ARHGAP10: variants seen among roughly 807,000 people sequenced by gnomAD.
The protein encoded by ARHGAP10 is Rho GTPase activating protein 10.
A neutral mutation model predicts 108.6 loss-of-function variants in ARHGAP10; 87 were observed. That is an observed-to-expected ratio of 0.80 (90% CI 0.67 to 0.96). The LOEUF (loss-of-function observed/expected upper bound fraction) is 0.96. Ranked by LOEUF, ARHGAP10 falls within the 40% of genes least tolerant of loss-of-function variation. The probability of loss-of-function intolerance (pLI) is 0.00; values close to 1 mark genes in which losing one functional copy is unlikely to be tolerated. For synonymous variants in ARHGAP10, 347 were observed against 341.1 expected (o/e 1.02, Z -0.19); for missense variants, 939 against 954.5 (o/e 0.98, Z 0.21).
At chr4:147,920,833 A>G (rs1737205823) in intron 13 of ARHGAP10, among the ~76,000 whole-genome samples, 2 of 152,210 alleles carry the variant, frequency 1.3e-5, no homozygotes, top group Non-Finnish European at 2.9e-5. Context: ...AGGATGGGAA[A>G]GTATATTTTG....
At chr4:147,939,787 A>G in intron 13 of ARHGAP10, 38 bp from the exon 14 acceptor site, 3 of 1,540,858 alleles carry the variant, frequency 1.9e-6, no homozygotes, top group Non-Finnish European at 2.7e-6. Flanking sequence ...AAAATATGAT[A>G]GTCTTCTATT....
chr4:147,926,723 CAT>C (rs1483727094), intron 13 of ARHGAP10, among the ~76,000 whole-genome samples: 1 of 151,920 alleles, frequency 6.6e-6, no homozygotes, highest in African/African-American at 2.4e-5. Flanking sequence ...ATAATGGAGA[CAT>C]AAGACAGAGG....
At chr4:147,839,691 G>A (rs925221937) in intron 3 of ARHGAP10, among the ~76,000 whole-genome samples, 3 of 152,222 alleles carry the variant, frequency 2.0e-5, no homozygotes, top group Non-Finnish European at 4.4e-5. Flanking sequence ...GGAATGTAAA[G>A]TTGTTGGAGT....
At chr4:148,018,855 G>A (rs193082385) in intron 18 of ARHGAP10, among the ~76,000 whole-genome samples, 152 of 152,278 alleles carry the variant, frequency 1.0e-3, no homozygotes, top group Non-Finnish European at 1.8e-3. Flanking sequence ...TTTTGAAACC[G>A]TGGAGACTTG....
chr4:147,792,381 T>C (rs766487331), intron 1 of ARHGAP10, among the ~76,000 whole-genome samples: 2 of 152,222 alleles, frequency 1.3e-5, no homozygotes, highest in Non-Finnish European at 2.9e-5. Context: ...CTTCCCTCCT[T>C]CTTTATTGGT....
chr4:147,925,001 T>C (rs1214575329), intron 13 of ARHGAP10, among the ~76,000 whole-genome samples: 1 of 152,132 alleles, frequency 6.6e-6, no homozygotes, highest in Non-Finnish European at 1.5e-5. Flanking sequence ...GCAATTTACA[T>C]TGGGAAATAA....
chr4:147,882,898 G>A (rs955444285), intron 10 of ARHGAP10, among the ~76,000 whole-genome samples: 1 of 152,126 alleles, frequency 6.6e-6, no homozygotes, highest in African/African-American at 2.4e-5. Context: ...GTGATTCCTT[G>A]CCAGCCCTGG....
intron 1 of ARHGAP10, among the ~76,000 whole-genome samples, chr4:147,797,772 TCCAGTCTTAAC>T (rs953861552): frequency 2.0e-5 from 3 of 152,164 alleles, no homozygotes; most frequent in African/African-American, 7.2e-5. Flanking sequence ...TGTTTTGAGA[TCCAGTCTTAAC>T]CCTGCGAAAC....
At chr4:147,869,673 T>G (rs1734719695) in intron 7 of ARHGAP10, among the ~76,000 whole-genome samples, 1 of 152,102 alleles carries the variant, frequency 6.6e-6, no homozygotes, top group South Asian at 2.1e-4. Context: ...CTCTAAATAT[T>G]CCTCTCTTGA....
chr4:147,815,273 T>A (rs1732190838), intron 1 of ARHGAP10, among the ~76,000 whole-genome samples: 1 of 152,210 alleles, frequency 6.6e-6, no homozygotes, highest in African/African-American at 2.4e-5. Context: ...TGTCCTCTTC[T>A]GTTGTAGTGA....
intron 12 of ARHGAP10, among the ~76,000 whole-genome samples, chr4:147,912,337 C>A (rs925250007): frequency 1.3e-5 from 2 of 151,230 alleles, no homozygotes; most frequent in Non-Finnish European, 1.5e-5. Flanking sequence ...GTCAGGAATT[C>A]AAGACCAGCC....
intron 18 of ARHGAP10, among the ~76,000 whole-genome samples, chr4:148,022,902 A>C (rs1741622640): frequency 6.6e-6 from 1 of 152,206 alleles, no homozygotes; most frequent in Non-Finnish European, 1.5e-5. Context: ...CCTTCCATAA[A>C]ATTTAATGGA....
intron 1 of ARHGAP10, among the ~76,000 whole-genome samples, chr4:147,776,917 G>A (rs1456848594): frequency 1.3e-5 from 2 of 152,202 alleles, no homozygotes; most frequent in Admixed American, 1.3e-4. Context: ...AAGCTTTGGG[G>A]TGGGCTCTGT....
intron 1 of ARHGAP10, among the ~76,000 whole-genome samples, chr4:147,739,910 A>G (rs1474290929): frequency 1.3e-5 from 2 of 151,218 alleles, no homozygotes; most frequent in Non-Finnish European, 2.9e-5. Context: ...TAATTTTTGT[A>G]TTTTTTGTAG....
intron 18 of ARHGAP10, among the ~76,000 whole-genome samples, chr4:148,016,900 C>G (rs946248807): frequency 6.6e-6 from 1 of 150,556 alleles, no homozygotes; most frequent in South Asian, 2.1e-4. Context: ...ACATTGCATA[C>G]TTTGGGAAGC....
At chr4:147,793,788 C>T (rs1235544216) in intron 1 of ARHGAP10, among the ~76,000 whole-genome samples, 1 of 152,198 alleles carries the variant, frequency 6.6e-6, no homozygotes, top group Non-Finnish European at 1.5e-5. Context: ...TGCCTTCCCC[C>T]TTAACAGTAA....
chr4:147,761,962 C>G (rs1265982449), intron 1 of ARHGAP10, among the ~76,000 whole-genome samples: 1 of 152,206 alleles, frequency 6.6e-6, no homozygotes, highest in Non-Finnish European at 1.5e-5. Flanking sequence ...TGCTTACACC[C>G]AGATCAGAAA....
intron 18 of ARHGAP10, among the ~76,000 whole-genome samples, chr4:147,967,666 A>G (rs1034093593): frequency 9.9e-5 from 15 of 152,216 alleles, no homozygotes; most frequent in African/African-American, 3.1e-4. Flanking sequence ...GATATTGTCT[A>G]TGGCTACTCT....
intron 19 of ARHGAP10, among the ~76,000 whole-genome samples, chr4:148,029,638 C>A (rs1045377875): frequency 6.6e-6 from 1 of 152,114 alleles, no homozygotes; most frequent in Non-Finnish European, 1.5e-5. Flanking sequence ...TTAAGATGGG[C>A]AGTCTGTCTT....
Sources: allele counts gnomAD v4.1 joint callset (sites outside exome capture counted in the v4.1 genomes callset), GRCh38; gene constraint gnomAD v4.1.1; transcripts MANE v1.5; gene names NCBI Gene and HGNC (gene_info 2026-07-23, HGNC 2026-07-21).